Variants in NTM observed in about 807,000 individuals in gnomAD.
NTM encodes IgLON family member 2.
In NTM, 13 loss-of-function variants were observed where a neutral mutation model predicts 42.1. The observed-to-expected ratio is 0.31, with a 90% CI of 0.20 to 0.49. NTM has a LOEUF of 0.49. NTM is among the 20% of genes least tolerant of loss of function. The probability of loss-of-function intolerance (pLI) is 0.99; values close to 1 mark genes in which losing one functional copy is unlikely to be tolerated. For missense variants in NTM, 373 were observed against 452.8 expected (o/e 0.82, Z 1.60); for synonymous variants, 187 against 179.2 (o/e 1.04, Z -0.35).
intron 2 of NTM, among the ~76,000 whole-genome samples, chr11:132,023,742 TTGG>T (rs1242410833): frequency 6.6e-6 from 1 of 151,358 alleles, no homozygotes; most frequent in African/African-American, 2.4e-5. Context: ...GGTTTTGTTG[TTGG>T]TGGTGGTTTT....
intron 2 of NTM, among the ~76,000 whole-genome samples, chr11:131,962,045 G>C (rs2062241664): frequency 6.6e-6 from 1 of 152,078 alleles, no homozygotes; most frequent in East Asian, 1.9e-4. Context: ...TCATCTCTGT[G>C]AGTGGCCTAG....
chr11:131,563,473 C>T (rs573738663), intron 1 of NTM, among the ~76,000 whole-genome samples: 166 of 152,132 alleles, frequency 1.1e-3, no homozygotes, highest in African/African-American at 3.8e-3. Context: ...TCCCTGCTCC[C>T]CTTTCTTCAC....
intron 1 of NTM, chr11:131,911,126 G>A (rs2054840376): frequency 8.1e-7 from 1 of 1,235,610 alleles, no homozygotes; most frequent in South Asian, 1.8e-5. Flanking sequence ...CCAAAGTGCC[G>A]TGTCTGAACT....
At chr11:131,851,091 G>T (rs1325301724) in intron 1 of NTM, among the ~76,000 whole-genome samples, 7 of 152,162 alleles carry the variant, frequency 4.6e-5, no homozygotes, top group Non-Finnish European at 1.5e-5. Context: ...ACCAAAATTT[G>T]TCATGGTCAG....
chr11:131,406,346 G>A (rs1169843427), intron 1 of NTM, among the ~76,000 whole-genome samples: 23 of 152,120 alleles, frequency 1.5e-4, no homozygotes, highest in Middle Eastern at 3.4e-3. Context: ...TTTACTTTCT[G>A]GTCACTTATT....
intron 2 of NTM, among the ~76,000 whole-genome samples, chr11:132,044,120 GTGTGTATA>G (rs2077618328): frequency 9.1e-5 from 8 of 87,720 alleles, no homozygotes; most frequent in Admixed American, 7.6e-4. Flanking sequence ...ATGTGTATGT[GTGTGTATA>G]TATGTGTGTG....
chr11:131,712,948 A>T (rs568262015), intron 1 of NTM, among the ~76,000 whole-genome samples: 1 of 152,186 alleles, frequency 6.6e-6, no homozygotes, highest in Admixed American at 6.5e-5. Context: ...AGGAAGGAAG[A>T]AGTAGAGAAA....
At chr11:131,852,602 A>T (rs1462901117) in intron 1 of NTM, among the ~76,000 whole-genome samples, 1 of 152,178 alleles carries the variant, frequency 6.6e-6, no homozygotes, top group African/African-American at 2.4e-5. Flanking sequence ...CATGTGGAGT[A>T]ACAGTGCCTG....
intron 1 of NTM, among the ~76,000 whole-genome samples, chr11:131,454,701 G>A (rs1054412479): frequency 6.6e-6 from 1 of 152,062 alleles, no homozygotes; most frequent in Non-Finnish European, 1.5e-5. Context: ...GGAGTGATGG[G>A]GAGAGGGGCG....
intron 1 of NTM, chr11:131,774,225 T>G: frequency 1.8e-6 from 1 of 542,202 alleles, no homozygotes; most frequent in Non-Finnish European, 2.4e-6. Context: ...CAGGCACTGA[T>G]TTTTGCCCCT....
At chr11:132,215,278 C>A (rs541297178) in intron 4 of NTM, among the ~76,000 whole-genome samples, 6 of 151,984 alleles carry the variant, frequency 3.9e-5, no homozygotes, top group Admixed American at 3.9e-4. Context: ...CTGATCAGGG[C>A]TAAGCTCTTT....
intron 1 of NTM, among the ~76,000 whole-genome samples, chr11:131,500,852 C>T (rs1429126435): frequency 1.3e-5 from 2 of 149,932 alleles, no homozygotes; most frequent in East Asian, 2.0e-4. Context: ...GGTTTTTTGT[C>T]CTTGTGATAG....
rs61625570 is a variant in NTM at position 131,460,797 on chromosome 11, G to T, written c.82+89909G>T. The stretch of plus-strand genomic sequence containing the variant: ...TCAAACTCCTGACCTCAAATGATCC[G>T]CCCGCTTGGGCCTCCCAAAGTGCTG... On this transcript the variant is annotated intron_variant, in intron 1 of 8. Transcript: ENST00000683400. 2.0e-5 allele frequency among the ~76,000 whole-genome samples: 3 copies of T among 152,040 alleles called. No individual in the cohort carries two copies. In the South Asian group the frequency reaches 6.2e-4, roughly 32 times the overall value.
At chr11:131,607,513 T>G (rs898685807) in intron 1 of NTM, among the ~76,000 whole-genome samples, 27 of 152,204 alleles carry the variant, frequency 1.8e-4, no homozygotes, top group Non-Finnish European at 3.4e-4. Flanking sequence ...AATTGCAACT[T>G]TGTCATTTTT....
chr11:131,614,509 G>T (rs1035145659), intron 1 of NTM, among the ~76,000 whole-genome samples: 3 of 152,208 alleles, frequency 2.0e-5, no homozygotes, highest in Admixed American at 6.5e-5. Context: ...AGCTGTGAGG[G>T]GACTAGACAG....
At chr11:132,122,967 C>G (rs1392280960) in intron 2 of NTM, among the ~76,000 whole-genome samples, 1 of 152,178 alleles carries the variant, frequency 6.6e-6, no homozygotes, top group Non-Finnish European at 1.5e-5. Context: ...AACATGGACT[C>G]TAGTTGTTCT....
intron 1 of NTM, among the ~76,000 whole-genome samples, chr11:131,555,738 C>A (rs980666322): frequency 4.6e-5 from 7 of 152,160 alleles, no homozygotes; most frequent in Non-Finnish European, 7.3e-5. Context: ...CTCCTGCCTT[C>A]CCCTTTCTTT....
chr11:131,921,311 C>T (rs1430316129), intron 2 of NTM, among the ~76,000 whole-genome samples: 2 of 152,132 alleles, frequency 1.3e-5, no homozygotes, highest in Non-Finnish European at 2.9e-5. Context: ...TATGTGGAGA[C>T]ACAGAAGACA....
At chr11:131,766,367 C>A (rs1441586814) in intron 1 of NTM, among the ~76,000 whole-genome samples, 3 of 152,272 alleles carry the variant, frequency 2.0e-5, no homozygotes, top group Non-Finnish European at 4.4e-5. Context: ...GCTGAGAGTG[C>A]AGCAGGACTA....
Sources: gnomAD v4.1 joint callset for allele counts (sites outside exome capture counted in the v4.1 genomes callset) on GRCh38, gnomAD v4.1.1 for gene constraint, MANE v1.5 for transcripts, NCBI Gene and HGNC (gene_info 2026-07-23, HGNC 2026-07-21) for gene names.